NRXN3: variants seen among roughly 807,000 people sequenced by gnomAD.
NRXN3 encodes neurexin 3.
In NRXN3, 32 loss-of-function variants were observed where a neutral mutation model predicts 137.6. The ratio of observed to expected loss-of-function variants is 0.23; its 90% CI spans 0.18 to 0.31. The LOEUF (loss-of-function observed/expected upper bound fraction) is 0.31. Ranked by LOEUF, NRXN3 falls within the 10% of genes least tolerant of loss-of-function variation. The pLI, the probability that NRXN3 is intolerant of heterozygous loss-of-function variation, is 1.00. For missense variants in NRXN3, 1,574 were observed against 2,062.5 expected (o/e 0.76, Z 4.59); for synonymous variants, 798 against 784.5 (o/e 1.02, Z -0.29).
chr14:78,988,243 C>A, intron 15 of NRXN3, 102 bp downstream of exon 15: 2 of 1,406,350 alleles, frequency 1.4e-6, no homozygotes, highest in East Asian at 2.3e-5. Flanking sequence ...CTGAAAGATT[C>A]ATAAGTAATT....
chr14:78,411,936 T>C (rs1023337402), intron 4 of NRXN3, among the ~76,000 whole-genome samples: 35 of 152,374 alleles, frequency 2.3e-4, no homozygotes, highest in African/African-American at 7.7e-4. Flanking sequence ...CATTTCCAAA[T>C]AGAAAATAAC....
intron 16 of NRXN3, among the ~76,000 whole-genome samples, chr14:79,596,342 C>A (rs1272041820): frequency 6.6e-6 from 1 of 151,960 alleles, no homozygotes; most frequent in Non-Finnish European, 1.5e-5. Context: ...TAGTTTGCTT[C>A]ATCTGAAAAA....
chr14:79,327,298 T>G (rs2091033682), intron 15 of NRXN3, among the ~76,000 whole-genome samples: 1 of 149,566 alleles, frequency 6.7e-6, no homozygotes, highest in African/African-American at 2.6e-5. Flanking sequence ...AAATAGATTC[T>G]CGTCTTTTCC....
chr14:79,711,581 G>A (rs549002064), intron 19 of NRXN3, among the ~76,000 whole-genome samples: 2 of 152,082 alleles, frequency 1.3e-5, no homozygotes, highest in Non-Finnish European at 2.9e-5. Context: ...TGGAGTGCTG[G>A]GATTAGAGGT....
At chr14:79,519,284 G>A (rs528193812) in intron 16 of NRXN3, among the ~76,000 whole-genome samples, 1 of 151,924 alleles carries the variant, frequency 6.6e-6, no homozygotes, top group East Asian at 1.9e-4. Flanking sequence ...TAAATTTTAT[G>A]TATCTGCAAT....
chr14:78,190,509 A>G (rs1222841861), intron 1 of NRXN3, among the ~76,000 whole-genome samples: 2 of 152,230 alleles, frequency 1.3e-5, no homozygotes, highest in African/African-American at 4.8e-5. Context: ...ACAAATGAGC[A>G]TATCATTGAG....
At chr14:79,166,917 G>T (rs1013600748) in intron 15 of NRXN3, among the ~76,000 whole-genome samples, 2 of 151,916 alleles carry the variant, frequency 1.3e-5, no homozygotes, top group Non-Finnish European at 2.9e-5. Context: ...CACAGTAGGT[G>T]CTCAGAAAAC....
chr14:79,849,620 A>T (rs1197985473), intron 20 of NRXN3, among the ~76,000 whole-genome samples: 1 of 152,146 alleles, frequency 6.6e-6, no homozygotes, highest in Non-Finnish European at 1.5e-5. Flanking sequence ...TGTCGATGAG[A>T]GTGTGGAGAA....
chr14:79,022,300 A>G (rs1334581246), intron 15 of NRXN3, among the ~76,000 whole-genome samples: 1 of 152,198 alleles, frequency 6.6e-6, no homozygotes, highest in Admixed American at 6.5e-5. Flanking sequence ...AGCTAGTACA[A>G]TGTACCATGT....
chr14:78,438,811 T>C (rs1598674036), intron 4 of NRXN3, among the ~76,000 whole-genome samples: 1 of 151,742 alleles, frequency 6.6e-6, no homozygotes, highest in Non-Finnish European at 1.5e-5. Flanking sequence ...ACAGCTGTGT[T>C]GGAGAGGCTG....
chr14:78,831,279 A>G (rs1302264830), intron 10 of NRXN3, among the ~76,000 whole-genome samples: 1 of 151,986 alleles, frequency 6.6e-6, no homozygotes, highest in Non-Finnish European at 1.5e-5. Flanking sequence ...GAATAGAACA[A>G]TATCACACCT....
At chr14:79,728,901 G>A (rs1421961261) in intron 19 of NRXN3, among the ~76,000 whole-genome samples, 1 of 152,178 alleles carries the variant, frequency 6.6e-6, no homozygotes, top group Non-Finnish European at 1.5e-5. Context: ...ATGCCAAATT[G>A]TAACATTGAT....
intron 6 of NRXN3, among the ~76,000 whole-genome samples, chr14:78,697,260 C>A (rs1462933677): frequency 6.6e-6 from 1 of 151,914 alleles, no homozygotes; most frequent in East Asian, 1.9e-4. Flanking sequence ...TGTCCCTTTT[C>A]TCCAATATTT....
intron 15 of NRXN3, among the ~76,000 whole-genome samples, chr14:79,308,844 C>CTTTTTT (rs34580008): frequency 1.1e-5 from 1 of 89,400 alleles, no homozygotes; most frequent in Non-Finnish European, 2.4e-5. Flanking sequence ...GGGAAGCATT[C>CTTTTTT]TTTTTTTTTT....
At chr14:78,932,874 C>G (rs1035841308) in intron 10 of NRXN3, among the ~76,000 whole-genome samples, 5 of 152,112 alleles carry the variant, frequency 3.3e-5, no homozygotes, top group Non-Finnish European at 5.9e-5. Context: ...TATTAAAAAT[C>G]CAGGGTACCT....
intron 16 of NRXN3, among the ~76,000 whole-genome samples, chr14:79,539,787 C>A (rs2097254643): frequency 6.6e-6 from 1 of 152,174 alleles, no homozygotes; most frequent in Non-Finnish European, 1.5e-5. Context: ...GGAGACAATG[C>A]ACATTCTGTG....
intron 3 of NRXN3, among the ~76,000 whole-genome samples, chr14:78,292,226 C>T (rs1269319194): frequency 2.0e-5 from 3 of 152,224 alleles, no homozygotes; most frequent in Non-Finnish European, 4.4e-5. Flanking sequence ...TAGCCATTTC[C>T]ATTTTCCCGA....
At chr14:78,203,858 TTG>T (rs949607731) in intron 1 of NRXN3, among the ~76,000 whole-genome samples, 16 of 142,018 alleles carry the variant, frequency 1.1e-4, no homozygotes, top group South Asian at 4.5e-4. Flanking sequence ...TGTGTGTGGT[TTG>T]TGTGTGTGTG....
At chr14:78,452,831 T>G (rs1225740364) in intron 4 of NRXN3, among the ~76,000 whole-genome samples, 1 of 152,186 alleles carries the variant, frequency 6.6e-6, no homozygotes, top group Non-Finnish European at 1.5e-5. Flanking sequence ...GAGGTGGTGC[T>G]GCCAGGTGCA....
Sources: gnomAD v4.1 joint callset for allele counts (sites outside exome capture counted in the v4.1 genomes callset) on GRCh38, gnomAD v4.1.1 for gene constraint, MANE v1.5 for transcripts, NCBI Gene and HGNC (gene_info 2026-07-23, HGNC 2026-07-21) for gene names.